The following DLC1 variants were observed in gnomAD, a reference collection of about 807,000 sequenced individuals.
The protein encoded by DLC1 is rho GTPase-activating protein 7.
A neutral mutation model predicts 140.3 loss-of-function variants in DLC1; 54 were observed. The ratio of observed to expected loss-of-function variants is 0.38; its 90% CI spans 0.31 to 0.48. DLC1 has a LOEUF of 0.48. DLC1 is among the 20% of genes least tolerant of loss of function. The pLI, the probability that DLC1 is intolerant of heterozygous loss-of-function variation, is 0.96. For synonymous variants in DLC1, 986 were observed against 728.1 expected, an observed-to-expected ratio of 1.35 and a Z score of -5.70; for missense variants, 2,536 against 1,907.0, an observed-to-expected ratio of 1.33 and a Z score of -6.14.
chr8:13,537,758 A>C (rs913988223), intron 1 of DLC1, among the ~76,000 whole-genome samples: 10 of 141,434 alleles, frequency 7.1e-5, no homozygotes, highest in Non-Finnish European at 1.3e-4. Context: ...GGTTCACGCC[A>C]TTCTCCTGCC....
At position 13,589,547 on chromosome 8, in the gene DLC1, C is replaced by T. The variant is rs577311694; in HGVS notation, c.-126+14990G>A. The stretch of plus-strand genomic sequence containing the variant: ...TCCACTGAAAATTCAACTATGACAT[C>T]ATAGAGAATCATCTTTAATTTGCAA... On this transcript the variant is annotated intron_variant, in intron 1 of 1. Transcript: ENST00000631382. 2.0e-5 allele frequency among the ~76,000 whole-genome samples: 3 copies of T among 152,178 alleles called. No individual in the cohort carries two copies. In the South Asian group the frequency reaches 6.2e-4, roughly 32 times the overall value.
At chr8:13,426,113 A>G (rs1838565917) in intron 2 of DLC1, among the ~76,000 whole-genome samples, 1 of 123,450 alleles carries the variant, frequency 8.1e-6, no homozygotes, top group South Asian at 3.0e-4. Context: ...CTGTATGGCA[A>G]TTATTATTAT....
intron 5 of DLC1, among the ~76,000 whole-genome samples, chr8:13,183,349 T>G (rs571216846): frequency 1.3e-5 from 2 of 152,292 alleles, no homozygotes; most frequent in East Asian, 3.9e-4. Flanking sequence ...CTTCCAACAC[T>G]AGGTTGAATA....
At chr8:13,322,971 G>A (rs193050965) in intron 4 of DLC1, among the ~76,000 whole-genome samples, 2 of 152,296 alleles carry the variant, frequency 1.3e-5, no homozygotes, top group Admixed American at 1.3e-4. Flanking sequence ...GCCATGTCAT[G>A]AGGATACTCA....
At chr8:13,356,970 C>G (rs1834969027) in intron 4 of DLC1, among the ~76,000 whole-genome samples, 2 of 151,928 alleles carry the variant, frequency 1.3e-5, no homozygotes, top group African/African-American at 4.8e-5. Flanking sequence ...TCAGAGAAGC[C>G]TTAGGAAAGT....
chr8:13,574,694 A>C (rs1804775977), intron 1 of DLC1, among the ~76,000 whole-genome samples: 1 of 152,198 alleles, frequency 6.6e-6, no homozygotes. Context: ...GTGCCTAAAA[A>C]CAAATCTGTT....
At chr8:13,403,039 T>C (rs936686853) in intron 2 of DLC1, among the ~76,000 whole-genome samples, 1 of 152,240 alleles carries the variant, frequency 6.6e-6, no homozygotes, top group Non-Finnish European at 1.5e-5. Context: ...AACTTGTGCA[T>C]GGTTTAACAG....
At chr8:13,233,599 T>G (rs943809592) in intron 5 of DLC1, among the ~76,000 whole-genome samples, 3 of 152,180 alleles carry the variant, frequency 2.0e-5, no homozygotes, top group Admixed American at 1.3e-4. Flanking sequence ...AAGAATGTAC[T>G]CCAGAGAAAT....
chr8:13,514,948 G>A (rs1802535645), upstream of DLC1: 1 of 278,190 alleles, frequency 3.6e-6, no homozygotes, highest in East Asian at 6.0e-5. Flanking sequence ...GCTGTACGAA[G>A]AGAGGGGAGG....
At chr8:13,404,006 A>G (rs2117263463) in intron 2 of DLC1, among the ~76,000 whole-genome samples, 1 of 152,144 alleles carries the variant, frequency 6.6e-6, no homozygotes, top group Middle Eastern at 3.4e-3. Context: ...GTAATGCCCC[A>G]TGACTAATGC....
At chr8:13,518,504 T>G (rs1411770904), upstream of DLC1, among the ~76,000 whole-genome samples, 3 of 152,210 alleles carry the variant, frequency 2.0e-5, no homozygotes, top group Non-Finnish European at 4.4e-5. Flanking sequence ...TCAGGAAAGT[T>G]GAATCTGGAC....
At chr8:13,188,419 CAAAA>C (rs1178090798) in intron 5 of DLC1, among the ~76,000 whole-genome samples, 2 of 58,996 alleles carry the variant, frequency 3.4e-5, no homozygotes, top group Non-Finnish European at 2.9e-5. Flanking sequence ...GACTCCGTCT[CAAAA>C]AAAAAAAAAA....
intron 5 of DLC1, among the ~76,000 whole-genome samples, chr8:13,163,538 T>A (rs1824876859): frequency 6.6e-6 from 1 of 152,078 alleles, no homozygotes; most frequent in Non-Finnish European, 1.5e-5. Context: ...CAGGCACTTT[T>A]GTGTGTGGGG....
At chr8:13,502,071 T>C (rs893155684) in intron 1 of DLC1, among the ~76,000 whole-genome samples, 1 of 152,246 alleles carries the variant, frequency 6.6e-6, no homozygotes, top group Non-Finnish European at 1.5e-5. Context: ...TTTCTTTTAC[T>C]AAGAAGAAAT....
At position 13,085,827 on chromosome 8, in the gene DLC1, T is replaced by A; in HGVS notation, c.4571A>T (p.Asp1524Val). 1 of 1,614,158 alleles carries A rather than the reference T, an allele frequency of 6.2e-7. No homozygotes were observed. ...SFSNQNTETKDTKSR is the reference protein window; with the variant it reads ...SFSNQNTETKVTKSR ...CTTCAGTGATCACCTAGATTTGGTG[T>A]CTTTGGTTTCAGTGTTCTGGTTACT... Residue 1524 changes from aspartate to valine, a missense_variant, in exon 18 of 18, where the codon GAC (aspartate) becomes GTC (valine). By Grantham distance (152) the Asp-to-Val change is radical (BLOSUM62 -3). Transcript: ENST00000276297.
chr8:13,109,014 G>A (rs1563615011), intron 7 of DLC1, among the ~76,000 whole-genome samples: 1 of 152,196 alleles, frequency 6.6e-6, no homozygotes, highest in South Asian at 2.1e-4. Flanking sequence ...GACTACAAAA[G>A]TGACAGCGTT....
At chr8:13,425,799 T>A (rs1838547755) in intron 2 of DLC1, among the ~76,000 whole-genome samples, 1 of 152,172 alleles carries the variant, frequency 6.6e-6, no homozygotes, top group Admixed American at 6.5e-5. Flanking sequence ...TTTGGGGTGA[T>A]AGGGTCTCAC....
Position 13,133,119 on chromosome 8 carries a change from C to T in DLC1, c.1349-17462G>A, listed in dbSNP as rs1822262187. ...TCAACGCATCCTTGCTCGCCGCTCC[C>T]TGCCCCTCGTCACGGCCCCAGAAAG... On this transcript the variant is annotated intron_variant, in intron 5 of 17. Transcript: ENST00000276297. 6 of 1,466,576 alleles carry T rather than the reference C, an allele frequency of 4.1e-6. No homozygotes were observed. The East Asian group carries it at 1.5e-4, about 37-fold the overall frequency. 90.8% of individuals were successfully genotyped at this position (1,466,576 alleles called of 1,614,324 possible).
intron 7 of DLC1, among the ~76,000 whole-genome samples, chr8:13,103,168 G>C (rs1284207496): frequency 6.6e-6 from 1 of 151,894 alleles, no homozygotes; most frequent in Non-Finnish European, 1.5e-5. Flanking sequence ...AAAACAAGCC[G>C]GGCCTGGTGG....
Sources: allele counts gnomAD v4.1 joint callset (sites outside exome capture counted in the v4.1 genomes callset), GRCh38; gene constraint gnomAD v4.1.1; transcripts MANE v1.5; gene names NCBI Gene and HGNC (gene_info 2026-07-23, HGNC 2026-07-21).